JAZF1: variants seen among roughly 807,000 people sequenced by gnomAD.
The protein encoded by JAZF1 is JAZF zinc finger 1, also known as juxtaposed with another zinc finger protein 1.
JAZF1 carries 8 observed loss-of-function variants against 26.4 expected under a neutral mutation model. The ratio of observed to expected loss-of-function variants is 0.30; its 90% CI spans 0.18 to 0.55. JAZF1 has a LOEUF of 0.55. JAZF1 is among the 20% of genes least tolerant of loss of function. JAZF1 has a pLI of 0.94. For missense variants in JAZF1, 199 were observed against 322.0 expected, an observed-to-expected ratio of 0.62 and a Z score of 2.92; for synonymous variants, 126 against 122.3, an observed-to-expected ratio of 1.03 and a Z score of -0.20.
intron 1 of JAZF1, among the ~76,000 whole-genome samples, chr7:28,021,681 C>T (rs1232625555): frequency 6.6e-6 from 1 of 152,202 alleles, no homozygotes; most frequent in Non-Finnish European, 1.5e-5. Flanking sequence ...GCCTCCTGAC[C>T]AGCTCTTGCT....
chr7:28,079,101 C>T (rs553529635), intron 1 of JAZF1, among the ~76,000 whole-genome samples: 2 of 151,962 alleles, frequency 1.3e-5, no homozygotes, highest in Admixed American at 6.6e-5. Flanking sequence ...GCAATTCTCC[C>T]GCCTCAGCCT....
intron 3 of JAZF1, among the ~76,000 whole-genome samples, chr7:27,872,415 T>C (rs1159057716): frequency 6.6e-6 from 1 of 152,232 alleles, no homozygotes; most frequent in Admixed American, 6.5e-5. Flanking sequence ...AAAGGCTTTT[T>C]CTGCAAATTA....
intron 1 of JAZF1, among the ~76,000 whole-genome samples, chr7:28,065,628 T>C (rs536945612): frequency 6.6e-6 from 1 of 152,316 alleles, no homozygotes; most frequent in South Asian, 2.1e-4. Flanking sequence ...ATGTTTTACA[T>C]CCTGCCTAGC....
intron 1 of JAZF1, among the ~76,000 whole-genome samples, chr7:28,032,294 A>C (rs888674968): frequency 6.6e-6 from 1 of 152,214 alleles, no homozygotes. Flanking sequence ...TTGGATACAA[A>C]CCAAGGACAG....
chr7:28,055,653 C>T (rs771538837), intron 1 of JAZF1, among the ~76,000 whole-genome samples: 20 of 152,182 alleles, frequency 1.3e-4, no homozygotes, highest in Non-Finnish European at 2.9e-4. Flanking sequence ...GTAAGCTTCA[C>T]GAAGACAAGG....
intron 2 of JAZF1, among the ~76,000 whole-genome samples, chr7:27,924,103 G>C (rs1449008653): frequency 6.6e-6 from 1 of 152,126 alleles, no homozygotes; most frequent in African/African-American, 2.4e-5. Flanking sequence ...TTTTGAGACC[G>C]AGTCTTGCTC....
At chr7:28,008,574 C>T (rs1336611779) in intron 1 of JAZF1, among the ~76,000 whole-genome samples, 2 of 152,236 alleles carry the variant, frequency 1.3e-5, no homozygotes, top group Non-Finnish European at 2.9e-5. Flanking sequence ...CACATCTTAA[C>T]TCATTAGTCT....
At chr7:27,860,551 G>A (rs1783361430) in intron 3 of JAZF1, among the ~76,000 whole-genome samples, 1 of 152,130 alleles carries the variant, frequency 6.6e-6, no homozygotes, top group Non-Finnish European at 1.5e-5. Context: ...CTCACTACAG[G>A]CCAGGCACAG....
At chr7:28,158,695 ACT>A (rs1694405295) in intron 1 of JAZF1, among the ~76,000 whole-genome samples, 1 of 152,172 alleles carries the variant, frequency 6.6e-6, no homozygotes, top group Admixed American at 6.5e-5. Context: ...TCATAGGGTG[ACT>A]CTGGGAAAGC....
At chr7:27,963,869 G>T (rs1185458897) in intron 2 of JAZF1, among the ~76,000 whole-genome samples, 1 of 152,136 alleles carries the variant, frequency 6.6e-6, no homozygotes, top group Non-Finnish European at 1.5e-5. Flanking sequence ...GCCAGGCAAT[G>T]GCTCCATTTT....
chr7:27,918,095 G>A (rs1784472434), intron 2 of JAZF1, among the ~76,000 whole-genome samples: 1 of 152,142 alleles, frequency 6.6e-6, no homozygotes. Context: ...TGAAGGAGCA[G>A]GGCCTCTCTA....
intron 1 of JAZF1, among the ~76,000 whole-genome samples, chr7:28,114,136 T>G (rs1350178575): frequency 6.6e-6 from 1 of 152,182 alleles, no homozygotes; most frequent in Non-Finnish European, 1.5e-5. Context: ...TCCACGGAGT[T>G]GGTAACCGAA....
intron 1 of JAZF1, among the ~76,000 whole-genome samples, chr7:28,061,563 A>G (rs1254601117): frequency 6.6e-6 from 1 of 152,216 alleles, no homozygotes; most frequent in African/African-American, 2.4e-5. Context: ...TGCCTAATGG[A>G]GGGATTCAGC....
intron 1 of JAZF1, among the ~76,000 whole-genome samples, chr7:28,068,827 T>G (rs564733789): frequency 1.3e-5 from 2 of 152,332 alleles, no homozygotes; most frequent in African/African-American, 2.4e-5. Context: ...CAATTGCCCA[T>G]ACTTTCCCCT....
chr7:28,015,247 G>C (rs1782868639), intron 1 of JAZF1, among the ~76,000 whole-genome samples: 1 of 152,048 alleles, frequency 6.6e-6, no homozygotes, highest in Admixed American at 6.6e-5. Context: ...TAAACATTAG[G>C]GAACTGAACT....
At chr7:28,149,333 C>T (rs1333723815) in intron 1 of JAZF1, among the ~76,000 whole-genome samples, 3 of 152,100 alleles carry the variant, frequency 2.0e-5, no homozygotes, top group East Asian at 1.9e-4. Context: ...AGAAGTATGT[C>T]GCCAGTGTCA....
intron 2 of JAZF1, among the ~76,000 whole-genome samples, chr7:27,986,650 T>TCCCC (rs1785717442): frequency 1.1e-4 from 6 of 52,528 alleles, no homozygotes; most frequent in Non-Finnish European, 1.7e-4. Flanking sequence ...CCCCTCCCCC[T>TCCCC]CTCCCTCCCT....
intron 1 of JAZF1, among the ~76,000 whole-genome samples, chr7:28,083,715 T>G (rs1383487133): frequency 6.6e-6 from 1 of 152,088 alleles, no homozygotes; most frequent in Non-Finnish European, 1.5e-5. Flanking sequence ...CAGATACATT[T>G]TTAAAGTTCT....
rs575068606 is a variant in JAZF1, at chr7:27,831,263, A to G, written c.*1537T>C. The G allele has an allele frequency of 8.9e-6, 2 of 225,784 alleles. No individual in the cohort carries two copies. The highest frequency in any genetic ancestry group is 4.4e-5 in the African/African-American group (2 of 45,072). The allele number at this position is 225,784 out of a possible 1,614,324, so 14.0% of individuals were successfully genotyped here. On this transcript the variant is annotated 3_prime_UTR_variant, in exon 5 of 5. Transcript: ENST00000283928. Reference sequence around the variant, plus strand: ...AACAAACAGAACTGTCATCCTTTCAAAATGTCTGAAAATTGAGGAGGGACC... The same window carrying G: ...AACAAACAGAACTGTCATCCTTTCAGAATGTCTGAAAATTGAGGAGGGACC...
Sources: gnomAD v4.1 joint callset for allele counts (sites outside exome capture counted in the v4.1 genomes callset) on GRCh38, gnomAD v4.1.1 for gene constraint, MANE v1.5 for transcripts, NCBI Gene and HGNC (gene_info 2026-07-23, HGNC 2026-07-21) for gene names.